MUC4: variants seen among roughly 807,000 people sequenced by gnomAD.
MUC4 encodes the protein mucin 4, cell surface associated.
Under a neutral mutation model 257.9 loss-of-function variants are expected in MUC4, and 202 were observed. The observed-to-expected ratio is 0.78, with a 90% confidence interval of 0.70 to 0.88. The LOEUF (loss-of-function observed/expected upper bound fraction) is 0.88. MUC4 is among the 40% of genes least tolerant of loss of function. The probability of loss-of-function intolerance (pLI) is 0.00; values close to 1 mark genes in which losing one functional copy is unlikely to be tolerated. For synonymous variants in MUC4, 2,351 were observed against 2,757.1 expected (o/e 0.85, Z 4.62); for missense variants, 5,976 against 6,513.7 (o/e 0.92, Z 2.84).
At chr3:195,751,884 C>T (rs1259151240) in intron 21 of MUC4, 1 of 195,070 alleles carries the variant, frequency 5.1e-6, no homozygotes, top group Non-Finnish European at 1.1e-5. Context: ...CCTGTGTTTA[C>T]AGATGACCTG....
At chr3:195,750,829 C>T in intron 23 of MUC4, 60 bp downstream of exon 23, 3 of 1,482,276 alleles carry the variant, frequency 2.0e-6, no homozygotes, top group Non-Finnish European at 2.8e-6. Context: ...GGCTGAAGCA[C>T]CTCTGTTTGC....
chr3:195,802,939 C>A (rs923350225), intron 1 of MUC4, among the ~76,000 whole-genome samples: 9 of 152,084 alleles, frequency 5.9e-5, no homozygotes, highest in Non-Finnish European at 1.0e-4. Context: ...AGACTTCACG[C>A]CCCTCCCTTT....
chr3:195,749,832 T>C (rs1284011508), intron 23 of MUC4: 1 of 152,334 alleles, frequency 6.6e-6, no homozygotes, highest in Non-Finnish European at 1.5e-5. Context: ...TACTGTTGTC[T>C]CTCTGGGGAT....
chr3:195,758,263 G>C (rs1394601475), intron 17 of MUC4, among the ~76,000 whole-genome samples: 1 of 151,934 alleles, frequency 6.6e-6, no homozygotes, highest in African/African-American at 2.4e-5. Flanking sequence ...TAGGGCTCGG[G>C]GTCTCTAACA....
intron 1 of MUC4, 140 bp downstream of exon 1, chr3:195,811,596 C>T: frequency 1.3e-5 from 9 of 687,134 alleles, no homozygotes; most frequent in Admixed American, 5.1e-5. Context: ...TTTTCTCTCC[C>T]TTCTCTTCCT....
chr3:195,767,057 G>T (rs1444195636), intron 7 of MUC4, among the ~76,000 whole-genome samples: 4 of 152,118 alleles, frequency 2.6e-5, no homozygotes, highest in Non-Finnish European at 5.9e-5. Context: ...CCTCATTTCT[G>T]TTTGTTTCCC....
In MUC4 at chr3:195,778,928, A is replaced by G; in HGVS notation, c.12652T>C (p.Ser4218Pro). 1 of 1,517,862 alleles carries G rather than the reference A, an allele frequency of 6.6e-7. No individual in the cohort carries two copies. The highest frequency in any genetic ancestry group is 8.9e-7 in the Non-Finnish European group (1 of 1,129,180). 94.0% of individuals were successfully genotyped at this position (1,517,862 alleles called of 1,614,324 possible). Residue 4218 changes from serine (S) to proline (P), a missense_variant, in exon 2 of 25, where the codon TCC becomes CCC. By Grantham distance (74) the Ser-to-Pro change is moderately conservative. Coordinates refer to ENST00000463781, the MANE Select transcript of MUC4 (RefSeq NM_018406.7). Reference sequence around the variant, plus strand: ...GGAAGAGGGGTGGCGTGACCTGTGGATGCTGAGGAAGTGTCGGTGACAGGA... The same window carrying G: ...GGAAGAGGGGTGGCGTGACCTGTGGGTGCTGAGGAAGTGTCGGTGACAGGA... Reference protein sequence around the residue: ...PLPVTDTSSASTGHATPLPVT... With the variant: ...PLPVTDTSSAPTGHATPLPVT...
chr3:195,747,873 CAAA>C (rs1269138108), intron 24 of MUC4, among the ~76,000 whole-genome samples: 1 of 152,260 alleles, frequency 6.6e-6, no homozygotes, highest in Non-Finnish European at 1.5e-5. Flanking sequence ...AAAACAAAAA[CAAA>C]AACCTGGTGT....
At chr3:195,798,575 G>A (rs1259285403) in intron 1 of MUC4, among the ~76,000 whole-genome samples, 2 of 151,590 alleles carry the variant, frequency 1.3e-5, no homozygotes, top group African/African-American at 4.8e-5. Flanking sequence ...GTGGTGGCGG[G>A]CGCCTGTAGT....
At chr3:195,798,478 C>T (rs1734825862) in intron 1 of MUC4, among the ~76,000 whole-genome samples, 2 of 151,988 alleles carry the variant, frequency 1.3e-5, no homozygotes, top group Non-Finnish European at 2.9e-5. Flanking sequence ...CTGAGGTGGG[C>T]GGATCATGAG....
rs1734169385 is a variant in MUC4, at chr3:195,793,654, G to C, written c.83-2157C>G. 6.6e-5 allele frequency among the ~76,000 whole-genome samples: 10 copies of C among 152,284 alleles called. 1 individual carries two copies. The South Asian group carries it at 2.1e-3, about 32-fold the overall frequency. On this transcript the variant is annotated intron_variant, in intron 1 of 24. Coordinates refer to ENST00000463781, the MANE Select transcript of MUC4 (RefSeq NM_018406.7). ...CAATGGTCTTCTCCAGCTCCCGCCTGTCTTCCTTGTGAGGAGGAAGGTGAG... is the reference window on the plus strand; with the variant it reads ...CAATGGTCTTCTCCAGCTCCCGCCTCTCTTCCTTGTGAGGAGGAAGGTGAG...
intron 24 of MUC4, 107 bp from the exon 25 acceptor site, chr3:195,747,487 C>T: frequency 7.7e-7 from 1 of 1,292,120 alleles, no homozygotes; most frequent in Non-Finnish European, 1.1e-6. Flanking sequence ...GCTGGGCTCG[C>T]CCCACTCTCC....
rs1257363862 is a variant in MUC4, at chr3:195,780,989, T to C, written c.10591A>G (p.Thr3531Ala). The change falls in exon 2 of 25, where the codon ACC (threonine) becomes GCC (alanine). Residue 3531 changes from threonine (T) to alanine (A), a missense_variant. Physicochemically the swap from Thr to Ala is moderately conservative, Grantham distance 58. This residue lies in a region of MUC4 where 297 missense variants were observed against 240.9 expected (regional missense o/e 1.23). Transcript: ENST00000463781. ...ACAGGAAGAGGCGTGGCGTGACCGG[T>C]GGATACTGAGGAAGTGTCGGTGACA... Reference protein sequence around the residue: ...LPVTDTSSVSTGHATPLPVTS... With the variant: ...LPVTDTSSVSAGHATPLPVTS... 2 of 1,515,060 alleles carry C rather than the reference T, an allele frequency of 1.3e-6. No individual in the cohort carries two copies. The highest frequency in any genetic ancestry group is 2.4e-5 in the South Asian group (2 of 82,692). 93.9% of individuals were successfully genotyped at this position (1,515,060 alleles called of 1,614,324 possible).
chr3:195,784,749 G>C lies in MUC4; in HGVS notation c.6831C>G (p.Ser2277Arg), dbSNP rs565245867. ...TGHATSLPVT[S>R]LSSVSTGDTT... ...TGTCACCTGTGGATACTGAGGAAAGGCTGGTGACAGGAAGAGAGGTGGCGT... is the reference window on the plus strand; with the variant it reads ...TGTCACCTGTGGATACTGAGGAAAGCCTGGTGACAGGAAGAGAGGTGGCGT... The change falls in exon 2 of 25, where the codon AGC becomes AGG. Residue 2277 changes from serine to arginine, a missense_variant. By Grantham distance (110) the Ser-to-Arg change is moderately radical (BLOSUM62 -1). Around this residue, in one of 44 missense-constraint regions of MUC4, gnomAD observed 62 missense variants for 74.0 expected, o/e 0.84. Coordinates refer to ENST00000463781, the MANE Select transcript of MUC4 (RefSeq NM_018406.7). 536 of 1,450,366 alleles carry C rather than the reference G, an allele frequency of 3.7e-4. 3 individuals are homozygous for C. The highest frequency in any genetic ancestry group is 1.0e-3 in the Admixed American group (51 of 48,700). The allele number at this position is 1,450,366 out of a possible 1,614,324, so 89.8% of individuals were successfully genotyped here. A position where few individuals can be genotyped will look rare whatever the true frequency, so the allele number is the denominator to read the frequency against.
rs79358488 is a variant in MUC4 at position 195,780,295 on chromosome 3, A to T, written c.11285T>A (p.Leu3762His). 42 of 1,146,904 alleles carry T rather than the reference A, an allele frequency of 3.7e-5. No individual in the cohort carries two copies. The highest frequency in any genetic ancestry group is 3.1e-4 in the Middle Eastern group (1 of 3,260). The allele number at this position is 1,146,904 out of a possible 1,614,324, so 71.0% of individuals were successfully genotyped here. The stretch of plus-strand genomic sequence containing the variant: ...GGACACTGAGGAAGCGTCGGTGACA[A>T]GAAGAGGGGTGGCGTGACCTGTGGA... ...SASTGHATPL[L>H]VTDASSVSTG... Residue 3762 changes from leucine (L) to histidine (H), a missense_variant, in exon 2 of 25, where the codon CTT becomes CAT. Leu to His is a moderately conservative substitution (Grantham distance 99). Around this residue, in one of 44 missense-constraint regions of MUC4, gnomAD observed 330 missense variants for 262.0 expected, o/e 1.26. Coordinates refer to ENST00000463781, the MANE Select transcript of MUC4 (RefSeq NM_018406.7).
intron 1 of MUC4, among the ~76,000 whole-genome samples, chr3:195,792,960 C>A (rs1234840783): frequency 6.6e-6 from 1 of 152,054 alleles, no homozygotes; most frequent in Non-Finnish European, 1.5e-5. Flanking sequence ...GAGAGGGGAA[C>A]AACACACACT....
At chr3:195,769,829 T>G in intron 6 of MUC4, 3 of 184,758 alleles carry the variant, frequency 1.6e-5, no homozygotes, top group African/African-American at 2.4e-5. Flanking sequence ...GCCAGTGGCG[T>G]GACTCTGAAC....
chr3:195,758,546 C>A (rs1718110390), intron 17 of MUC4, among the ~76,000 whole-genome samples: 1 of 131,706 alleles, frequency 7.6e-6, no homozygotes, highest in African/African-American at 2.7e-5. Flanking sequence ...TATATATGAT[C>A]AGATTGAGAT....
chr3:195,758,726 CTT>C (rs55919005), intron 17 of MUC4, among the ~76,000 whole-genome samples: 87,127 of 134,932 alleles, frequency 0.65, 29,739 homozygotes, highest in East Asian at 0.78. Flanking sequence ...CCATGCCTGG[CTT>C]TTTTTTTTTT....
Sources: allele counts gnomAD v4.1 joint callset (sites outside exome capture counted in the v4.1 genomes callset), GRCh38; gene constraint gnomAD v4.1.1; regional missense constraint gnomAD v4.1.1; transcripts MANE v1.5; gene names NCBI Gene and HGNC (gene_info 2026-07-23, HGNC 2026-07-21).